Variants in STRN observed in about 807,000 individuals in gnomAD.
STRN encodes striatin, also known as protein phosphatase 2 regulatory subunit B'''alpha.
In STRN, 53 loss-of-function variants were observed where a neutral mutation model predicts 96.3. That is an observed-to-expected ratio of 0.55 (90% CI 0.44 to 0.69). STRN has a LOEUF of 0.69. Ranked by LOEUF, STRN falls within the 30% of genes least tolerant of loss-of-function variation. The pLI, the probability that STRN is intolerant of heterozygous loss-of-function variation, is 0.00. For synonymous variants in STRN, 428 were observed against 355.9 expected, an observed-to-expected ratio of 1.20 and a Z score of -2.28; for missense variants, 987 against 963.9, an observed-to-expected ratio of 1.02 and a Z score of -0.32.
chr2:36,887,904 G>C (rs1411127932), intron 7 of STRN, among the ~76,000 whole-genome samples: 1 of 152,152 alleles, frequency 6.6e-6, no homozygotes, highest in African/African-American at 2.4e-5. Context: ...TGTTAACTCA[G>C]AATGCTAGCT....
Position 36,849,537 on chromosome 2 carries a change from C to T in STRN, c.2262G>A (p.Ser754=), listed in dbSNP as rs779897251. The change falls in exon 18 of 18, where the codon TCG becomes TCA. Residue 754 remains serine (S), a synonymous_variant. Transcript: ENST00000263918. ...ATGGGTGGAAAGCTACATCATGAAT[C>T]GATTCTTCAAACTTTTTTCGATGAG... The part of the protein sequence containing the change: ...FTAHRKKFEE[S]IHDVAFHPSK... 31 of 1,614,048 alleles carry T rather than the reference C, an allele frequency of 1.9e-5. No individual in the cohort carries two copies. The South Asian group carries it at 3.0e-4, about 15-fold the overall frequency.
chr2:36,870,296 GAA>G (rs56722317), intron 10 of STRN, among the ~76,000 whole-genome samples: 340 of 138,810 alleles, frequency 2.4e-3, no homozygotes, highest in African/African-American at 3.5e-3. Context: ...TCTCAAAAAT[GAA>G]AAAAAAAAAA....
rs1668957103 is a variant in STRN, at chr2:36,877,889, A to G, written c.1323+2T>C. The G allele has an allele frequency of 6.2e-7, 1 of 1,612,466 alleles. No individual in the cohort carries two copies. Among genetic ancestry groups the G allele is most frequent in the South Asian group, 1.1e-5 (1 of 90,672 alleles). ...CACAACAAAAACAAAACTACTACTT[A>G]CATCATAAGTTAGTGAGTCTGCTTC... On this transcript the variant is annotated splice_donor_variant, in intron 10 of 17. Coordinates refer to ENST00000263918, the MANE Select transcript of STRN (RefSeq NM_003162.4). LOFTEE classifies it high-confidence loss of function.
intron 10 of STRN, among the ~76,000 whole-genome samples, chr2:36,873,033 T>C (rs1668804916): frequency 6.9e-6 from 1 of 143,938 alleles, no homozygotes; most frequent in Non-Finnish European, 1.5e-5. Flanking sequence ...GTCATGGGGA[T>C]ACAAACTGAT....
At chr2:36,946,453 G>A (rs1174421596) in intron 1 of STRN, among the ~76,000 whole-genome samples, 1 of 152,128 alleles carries the variant, frequency 6.6e-6, no homozygotes, top group Non-Finnish European at 1.5e-5. Context: ...AGGTATTTAA[G>A]TATAGGATAT....
chr2:36,889,121 T>C (rs895572578), intron 7 of STRN, among the ~76,000 whole-genome samples: 6 of 152,304 alleles, frequency 3.9e-5, no homozygotes, highest in Non-Finnish European at 5.9e-5. Flanking sequence ...CTTAGTTGAA[T>C]GTAAGCACCA....
intron 1 of STRN, among the ~76,000 whole-genome samples, chr2:36,945,799 A>G (rs980844530): frequency 1.3e-5 from 2 of 152,230 alleles, no homozygotes; most frequent in African/African-American, 4.8e-5. Context: ...ACAACATATT[A>G]TCTTAGACGC....
intron 12 of STRN, among the ~76,000 whole-genome samples, chr2:36,862,068 A>G (rs1410851431): frequency 6.6e-6 from 1 of 152,156 alleles, no homozygotes; most frequent in African/African-American, 2.4e-5. Flanking sequence ...GATGGTCTTC[A>G]GTTCCATGAT....
intron 10 of STRN, among the ~76,000 whole-genome samples, chr2:36,870,791 G>C (rs949261893): frequency 2.0e-5 from 3 of 152,100 alleles, no homozygotes; most frequent in African/African-American, 7.2e-5. Context: ...CTGTAAAACA[G>C]CTTTAGACAG....
chr2:36,946,400 C>T (rs1409470614), intron 1 of STRN, among the ~76,000 whole-genome samples: 2 of 152,202 alleles, frequency 1.3e-5, no homozygotes, highest in Non-Finnish European at 2.9e-5. Context: ...AAAGATCCCA[C>T]TCACACTAGT....
intron 1 of STRN, among the ~76,000 whole-genome samples, chr2:36,965,968 G>A (rs1235530463): frequency 2.6e-5 from 4 of 152,072 alleles, no homozygotes; most frequent in Non-Finnish European, 5.9e-5. Flanking sequence ...AATGAGTCTG[G>A]GAGTTAAGAG....
chr2:36,853,767 A>C (rs1668276771), intron 15 of STRN, among the ~76,000 whole-genome samples: 1 of 152,242 alleles, frequency 6.6e-6, no homozygotes, highest in Non-Finnish European at 1.5e-5. Context: ...AAATTCCAAA[A>C]CAGAACAACA....
chr2:36,882,158 G>C (rs915037088), intron 9 of STRN, among the ~76,000 whole-genome samples: 1 of 151,650 alleles, frequency 6.6e-6, no homozygotes, highest in Non-Finnish European at 1.5e-5. Flanking sequence ...AATCATATCA[G>C]TTTATGTCTC....
rs779360365 is a variant in STRN at position 36,840,964 on chromosome 2, T to C, written c.*8492A>G. 6.6e-6 allele frequency: 1 copy of C among 152,192 alleles called. No individual in the cohort carries two copies. Among genetic ancestry groups the C allele is most frequent in the Non-Finnish European group, 1.5e-5 (1 of 68,026 alleles). The allele number at this position is 152,192 out of a possible 1,614,324, so 9.4% of individuals were successfully genotyped here. A position where few individuals can be genotyped will look rare whatever the true frequency, so the allele number is the denominator to read the frequency against. On this transcript the variant is annotated 3_prime_UTR_variant, in exon 18 of 18. Transcript: ENST00000263918. ...AAAATCACAGGAAAGAAAACTTTTG[T>C]GTATTTATTAGCAGAGGCAAGCTAT...
At chr2:36,857,747 A>G in intron 14 of STRN, 109 bp downstream of exon 14, 1 of 947,090 alleles carries the variant, frequency 1.1e-6, no homozygotes, top group South Asian at 2.5e-5. Flanking sequence ...GGCTTCAAAA[A>G]CTTTCAAATT....
At chr2:36,927,524 A>AGGGGGGG (rs3080759) in intron 1 of STRN, among the ~76,000 whole-genome samples, 1 of 79,556 alleles carries the variant, frequency 1.3e-5, no homozygotes, top group Non-Finnish European at 2.6e-5. Flanking sequence ...AACAAAAAAA[A>AGGGGGGG]GGGGGGGGGG....
chr2:36,860,880 C>G (rs182736339), intron 13 of STRN, among the ~76,000 whole-genome samples: 1 of 152,188 alleles, frequency 6.6e-6, no homozygotes, highest in East Asian at 1.9e-4. Context: ...GTCAGTCAAG[C>G]CTGTATTTCC....
chr2:36,925,271 G>A (rs756200750), intron 1 of STRN, 63 bp from the exon 2 acceptor site: 5 of 1,121,200 alleles, frequency 4.5e-6, no homozygotes, highest in Non-Finnish European at 6.6e-6. Flanking sequence ...TTTTAACTCA[G>A]TAAAGAACCA....
At chr2:36,918,623 T>TA (rs1262701230) in intron 2 of STRN, among the ~76,000 whole-genome samples, 1 of 152,108 alleles carries the variant, frequency 6.6e-6, no homozygotes, top group Non-Finnish European at 1.5e-5. Flanking sequence ...CATTTTATTT[T>TA]AAAAAACAGA....
Sources: allele counts gnomAD v4.1 joint callset (sites outside exome capture counted in the v4.1 genomes callset), GRCh38; gene constraint gnomAD v4.1.1; transcripts MANE v1.5; gene names NCBI Gene and HGNC (gene_info 2026-07-23, HGNC 2026-07-21).